CCDC178: variants seen among roughly 807,000 people sequenced by gnomAD.
The protein encoded by CCDC178 is coiled-coil domain containing 178.
A neutral mutation model predicts 117.4 loss-of-function variants in CCDC178; 126 were observed. The ratio of observed to expected loss-of-function variants is 1.07; its 90% confidence interval spans 0.93 to 1.24. The LOEUF is 1.24. Among genes scored for constraint, CCDC178 ranks in the 50% most tolerant of loss-of-function variants. The probability of loss-of-function intolerance (pLI) is 0.00; values close to 1 mark genes in which losing one functional copy is unlikely to be tolerated. For synonymous variants in CCDC178, 283 were observed against 313.4 expected (o/e 0.90, Z 1.02); for missense variants, 1,030 against 986.9 (o/e 1.04, Z -0.59).
At position 33,428,730 on chromosome 18, in the gene CCDC178, CAAAAAA is replaced by C. The variant is rs35234261; in HGVS notation, c.-23+11226_-23+11231del. Reference sequence around the variant, plus strand: ...CTGGCAACAGAGTGAGACTCTGTCTCAAAAAAAAAAAAAAAAAAAAAAAGAGAAAAG... The same window carrying C: ...CTGGCAACAGAGTGAGACTCTGTCTCAAAAAAAAAAAAAAAAAGAGAAAAG... On this transcript the variant is annotated intron_variant, in intron 2 of 22. Transcript: ENST00000383096. Among the ~76,000 whole-genome samples the C allele has an allele frequency of 3.8e-3, 161 of 42,370 alleles. 2 individuals are homozygous for C. The highest frequency in any genetic ancestry group is 0.013 in the Middle Eastern group (1 of 80). 27.8% of individuals were successfully genotyped at this position (42,370 alleles called of 152,430 possible).
chr18:33,192,534 C>A (rs2058871816), intron 20 of CCDC178, among the ~76,000 whole-genome samples: 1 of 152,178 alleles, frequency 6.6e-6, no homozygotes. Context: ...CTGTCCCTGC[C>A]TGCACAATTA....
intron 12 of CCDC178, among the ~76,000 whole-genome samples, chr18:33,269,986 G>A (rs528395930): frequency 2.2e-4 from 33 of 151,520 alleles, no homozygotes; most frequent in Non-Finnish European, 4.3e-4. Context: ...CTAAAACAAA[G>A]CATTAAAATA....
chr18:32,975,281 C>G (rs2055008062), intron 21 of CCDC178, among the ~76,000 whole-genome samples: 1 of 152,160 alleles, frequency 6.6e-6, no homozygotes, highest in Non-Finnish European at 1.5e-5. Context: ...ATCTACCTCC[C>G]TCTGACCATG....
chr18:33,261,561 C>A (rs1476453497), intron 14 of CCDC178, among the ~76,000 whole-genome samples: 1 of 152,088 alleles, frequency 6.6e-6, no homozygotes, highest in East Asian at 1.9e-4. Context: ...GATATCTTTT[C>A]AATTTTATTT....
At position 33,211,992 on chromosome 18, in the gene CCDC178, C is replaced by T; in HGVS notation, c.2142G>A (p.Met714Ile). The T allele has an allele frequency of 6.2e-7, 1 of 1,608,700 alleles. No individual in the cohort carries two copies. The highest frequency in any genetic ancestry group is 8.5e-7 in the Non-Finnish European group (1 of 1,176,900). ...TCTCTTCACAGTCTTTTTTCTCTTGCATATAATGATCAAACACAGTTTGTG... is the reference window on the plus strand; with the variant it reads ...TCTCTTCACAGTCTTTTTTCTCTTGTATATAATGATCAAACACAGTTTGTG... ...EHAQTVFDHYMQEKKDCEERI... is the reference protein window; with the variant it reads ...EHAQTVFDHYIQEKKDCEERI... The change falls in exon 20 of 23, where the codon ATG becomes ATA. Residue 714 changes from methionine (M) to isoleucine (I), a missense_variant. Coordinates refer to ENST00000383096, the MANE Select transcript of CCDC178 (RefSeq NM_001105528.4).
chr18:33,419,207 T>A (rs1255289985), intron 2 of CCDC178, among the ~76,000 whole-genome samples: 1 of 152,138 alleles, frequency 6.6e-6, no homozygotes, highest in African/African-American at 2.4e-5. Context: ...CCCTCTTCAA[T>A]AAATAGTACT....
At position 32,989,915 on chromosome 18, in the gene CCDC178, AAAT is replaced by A. The variant is rs553280777; in HGVS notation, c.2389-15237_2389-15235del. Among the ~76,000 whole-genome samples the A allele has an allele frequency of 1.6e-4, 24 of 152,298 alleles. No homozygotes were observed. The East Asian group carries it at 3.7e-3, about 23-fold the overall frequency. On this transcript the variant is annotated intron_variant, in intron 21 of 22. Transcript: ENST00000383096. ...AGATAATTTACTGTTAAGTTACAAG[AAAT>A]AATGAGAAACTTTTGACAAAGGCTG...
At chr18:33,208,954 C>T (rs1485669577) in intron 20 of CCDC178, among the ~76,000 whole-genome samples, 1 of 151,940 alleles carries the variant, frequency 6.6e-6, no homozygotes, top group Non-Finnish European at 1.5e-5. Flanking sequence ...AGCTAAATTA[C>T]AGAGGGGACA....
At chr18:32,986,166 A>C (rs1395411338) in intron 21 of CCDC178, among the ~76,000 whole-genome samples, 1 of 152,128 alleles carries the variant, frequency 6.6e-6, no homozygotes, top group African/African-American at 2.4e-5. Context: ...ATTTTAAAAC[A>C]AAATCAATTC....
chr18:33,270,607 G>T (rs900260352), intron 12 of CCDC178, among the ~76,000 whole-genome samples: 2 of 151,366 alleles, frequency 1.3e-5, no homozygotes, highest in African/African-American at 4.8e-5. Flanking sequence ...AATACAGAAA[G>T]AAAAGTACCA....
chr18:33,193,034 C>A (rs1437043828), intron 20 of CCDC178, among the ~76,000 whole-genome samples: 1 of 151,044 alleles, frequency 6.6e-6, no homozygotes, highest in Non-Finnish European at 1.5e-5. Context: ...CCGAGGCAGG[C>A]GGATCACGAG....
intron 11 of CCDC178, among the ~76,000 whole-genome samples, chr18:33,302,112 G>C (rs1037027691): frequency 6.6e-6 from 1 of 152,046 alleles, no homozygotes; most frequent in African/African-American, 2.4e-5. Flanking sequence ...TTGTTTAAAA[G>C]TGTGTGACAC....
intron 21 of CCDC178, among the ~76,000 whole-genome samples, chr18:33,065,631 T>C (rs1181815499): frequency 6.6e-6 from 1 of 152,190 alleles, no homozygotes; most frequent in Non-Finnish European, 1.5e-5. Context: ...CCAAGGCACA[T>C]TGTTGTCCAA....
intron 14 of CCDC178, among the ~76,000 whole-genome samples, chr18:33,254,869 G>A (rs906633352): frequency 1.3e-5 from 2 of 151,994 alleles, no homozygotes; most frequent in Admixed American, 6.6e-5. Flanking sequence ...GCTAGGGTTT[G>A]GAGATAGTTT....
chr18:33,225,459 C>T (rs767892324), intron 16 of CCDC178, among the ~76,000 whole-genome samples: 183 of 152,168 alleles, frequency 1.2e-3, no homozygotes, highest in African/African-American at 4.1e-3. Flanking sequence ...CACACACTGC[C>T]GAATGTAGTA....
At chr18:33,346,146 G>T in intron 9 of CCDC178, 65 bp downstream of exon 9, 1 of 1,249,038 alleles carries the variant, frequency 8.0e-7, no homozygotes, top group South Asian at 1.4e-5. Flanking sequence ...AAAATATACA[G>T]ACCTGTAATT....
chr18:33,209,743 T>A (rs1414583984), intron 20 of CCDC178, among the ~76,000 whole-genome samples: 1 of 145,770 alleles, frequency 6.9e-6, no homozygotes. Flanking sequence ...ATAAGGTGAA[T>A]GCACAACAAG....
At chr18:33,111,626 A>C (rs2057784644) in intron 20 of CCDC178, among the ~76,000 whole-genome samples, 1 of 151,742 alleles carries the variant, frequency 6.6e-6, no homozygotes, top group African/African-American at 2.4e-5. Context: ...CATGGATAAC[A>C]GAAAAATAAC....
intron 2 of CCDC178, among the ~76,000 whole-genome samples, chr18:33,422,927 T>C (rs187542902): frequency 3.5e-4 from 54 of 152,330 alleles, no homozygotes; most frequent in African/African-American, 1.3e-3. Context: ...CAAGAGTATA[T>C]GACACATATA....
Sources: allele counts gnomAD v4.1 joint callset (sites outside exome capture counted in the v4.1 genomes callset), GRCh38; gene constraint gnomAD v4.1.1; transcripts MANE v1.5; gene names NCBI Gene and HGNC (gene_info 2026-07-23, HGNC 2026-07-21).